The following NEGR1 variants were observed in gnomAD, a reference collection of about 807,000 sequenced individuals.
The protein encoded by NEGR1 is IgLON family member 4.
A neutral mutation model predicts 40.9 loss-of-function variants in NEGR1; 10 were observed. That is an observed-to-expected ratio of 0.24 (90% CI 0.15 to 0.42). The LOEUF (loss-of-function observed/expected upper bound fraction) is 0.42. NEGR1 is among the 10% of genes least tolerant of loss of function. NEGR1 has a pLI of 1.00. For synonymous variants in NEGR1, 185 were observed against 166.8 expected (o/e 1.11, Z -0.84); for missense variants, 352 against 438.9 (o/e 0.80, Z 1.77).
At chr1:72,183,799 T>C (rs371681323) in intron 1 of NEGR1, among the ~76,000 whole-genome samples, 7 of 152,256 alleles carry the variant, frequency 4.6e-5, no homozygotes, top group African/African-American at 1.2e-4. Flanking sequence ...TGAGAGGATG[T>C]TATTTCTTCT....
intron 1 of NEGR1, among the ~76,000 whole-genome samples, chr1:72,126,125 G>GTGTT: frequency 7.2e-6 from 1 of 138,834 alleles, no homozygotes; most frequent in African/African-American, 2.5e-5. Context: ...GTGTGTGTGT[G>GTGTT]TGTGTGTGTG....
At chr1:71,610,242 G>A (rs1460509051) in intron 5 of NEGR1, among the ~76,000 whole-genome samples, 3 of 152,216 alleles carry the variant, frequency 2.0e-5, no homozygotes, top group Non-Finnish European at 4.4e-5. Context: ...ATTTCATACG[G>A]TTTAACCTAG....
intron 3 of NEGR1, among the ~76,000 whole-genome samples, chr1:71,706,267 TC>T (rs1238238943): frequency 6.6e-6 from 1 of 152,108 alleles, no homozygotes; most frequent in African/African-American, 2.4e-5. Flanking sequence ...CTGATGCCCA[TC>T]CGCAGAAGGA....
chr1:71,698,813 C>CA (rs1168286524), intron 3 of NEGR1, among the ~76,000 whole-genome samples: 3 of 151,544 alleles, frequency 2.0e-5, no homozygotes, highest in Admixed American at 6.6e-5. Flanking sequence ...TTCTATGTGA[C>CA]AAAAAATAGC....
At chr1:71,436,296 T>C (rs1002703417) in intron 6 of NEGR1, among the ~76,000 whole-genome samples, 18 of 151,112 alleles carry the variant, frequency 1.2e-4, no homozygotes, top group African/African-American at 4.4e-4. Flanking sequence ...TAAGAACTAA[T>C]AGATATCATA....
chr1:72,277,347 G>A lies in NEGR1; in HGVS notation c.176+4972C>T, dbSNP rs1326482496. Among the ~76,000 whole-genome samples, 8 of 152,010 alleles carry A rather than the reference G, an allele frequency of 5.3e-5. No individual in the cohort carries two copies. In the East Asian group the frequency reaches 1.4e-3, roughly 26 times the overall value. ...ATTTCTGTAAATTCTTTAGAAGTCA[G>A]GTATTGCAGTATTAACTTATTCCAC... On this transcript the variant is annotated intron_variant, in intron 1 of 6. Coordinates refer to ENST00000357731, the MANE Select transcript of NEGR1 (RefSeq NM_173808.3).
chr1:71,730,041 G>A (rs1654806477), intron 3 of NEGR1, among the ~76,000 whole-genome samples: 1 of 152,038 alleles, frequency 6.6e-6, no homozygotes, highest in Non-Finnish European at 1.5e-5. Flanking sequence ...CCTGGTCATT[G>A]AAATAGGGGA....
At chr1:71,466,985 G>A (rs889131741) in intron 6 of NEGR1, among the ~76,000 whole-genome samples, 4 of 152,084 alleles carry the variant, frequency 2.6e-5, no homozygotes. Flanking sequence ...CACAGATCTG[G>A]AAAGCTTTCT....
At chr1:71,457,992 A>G (rs139011035) in intron 6 of NEGR1, among the ~76,000 whole-genome samples, 1,752 of 152,192 alleles carry the variant, frequency 0.012, 31 homozygotes, top group African/African-American at 0.04. Flanking sequence ...GTGAGCCACC[A>G]CGCCTGGCCA....
At chr1:71,644,920 G>C (rs1458166964) in intron 4 of NEGR1, among the ~76,000 whole-genome samples, 1 of 151,858 alleles carries the variant, frequency 6.6e-6, no homozygotes, top group East Asian at 1.9e-4. Flanking sequence ...TCTGAAGTCT[G>C]CTGGAAAGGA....
intron 2 of NEGR1, among the ~76,000 whole-genome samples, chr1:71,894,993 C>T (rs1553173002): frequency 2.0e-5 from 3 of 152,022 alleles, no homozygotes; most frequent in Admixed American, 1.3e-4. Flanking sequence ...AATTTACTAA[C>T]ATTTATAGAA....
intron 1 of NEGR1, among the ~76,000 whole-genome samples, chr1:72,143,907 TATATATA>T (rs1485881428): frequency 7.3e-4 from 44 of 60,460 alleles, no homozygotes; most frequent in African/African-American, 2.4e-3. Context: ...ATATATATGA[TATATATA>T]ATATATATAT....
intron 1 of NEGR1, among the ~76,000 whole-genome samples, chr1:72,158,190 GA>G (rs919852554): frequency 6.6e-6 from 1 of 152,190 alleles, no homozygotes; most frequent in African/African-American, 2.4e-5. Context: ...TGTCACTTGT[GA>G]AAGATGGGCA....
intron 6 of NEGR1, among the ~76,000 whole-genome samples, chr1:71,534,564 C>T (rs1236656974): frequency 6.6e-6 from 1 of 151,592 alleles, no homozygotes; most frequent in Non-Finnish European, 1.5e-5. Context: ...TAACAAGCTA[C>T]AATTAAAAAT....
intron 1 of NEGR1, among the ~76,000 whole-genome samples, chr1:72,038,250 T>A (rs1646922220): frequency 6.6e-6 from 1 of 152,162 alleles, no homozygotes; most frequent in East Asian, 1.9e-4. Context: ...CATGCATTGG[T>A]AAGGATAAAT....
intron 6 of NEGR1, among the ~76,000 whole-genome samples, chr1:71,564,380 G>A (rs1440544305): frequency 1.3e-5 from 2 of 152,018 alleles, no homozygotes; most frequent in African/African-American, 4.8e-5. Context: ...GTGGATTAAG[G>A]ATTTGGACCC....
intron 5 of NEGR1, among the ~76,000 whole-genome samples, chr1:71,597,462 C>CTGTGTGTGTGTGTG (rs1191334873): frequency 1.7e-4 from 5 of 30,140 alleles, no homozygotes; most frequent in African/African-American, 3.4e-4. Flanking sequence ...CTCTCTCTCT[C>CTGTGTGTGTGTGTG]TCTCTCTCTC....
At chr1:71,850,090 TTG>T (rs34916819) in intron 2 of NEGR1, among the ~76,000 whole-genome samples, 15 of 150,454 alleles carry the variant, frequency 1.0e-4, no homozygotes, top group African/African-American at 2.2e-4. Context: ...TTACATACCA[TTG>T]TGTGTGTGTG....
rs143807382 is a variant in NEGR1, at chr1:71,605,600, C to T, written c.788+5426G>A. Among the ~76,000 whole-genome samples, 53 of 152,264 alleles carry T rather than the reference C, an allele frequency of 3.5e-4. 1 individual carries two copies. Among genetic ancestry groups the T allele is most frequent in the African/African-American group, 1.2e-3 (49 of 41,554 alleles). On this transcript the variant is annotated intron_variant, in intron 5 of 6. Coordinates refer to ENST00000357731, the MANE Select transcript of NEGR1 (RefSeq NM_173808.3). ...TAATTGAATTTCATATCACCAAAAACGTTTGCTTAATGATACTTTGGATGT... is the reference window on the plus strand; with the variant it reads ...TAATTGAATTTCATATCACCAAAAATGTTTGCTTAATGATACTTTGGATGT...
Sources: gnomAD v4.1 joint callset for allele counts (sites outside exome capture counted in the v4.1 genomes callset) on GRCh38, gnomAD v4.1.1 for gene constraint, MANE v1.5 for transcripts, NCBI Gene and HGNC (gene_info 2026-07-23, HGNC 2026-07-21) for gene names.